CCDC170: variants seen among roughly 807,000 people sequenced by gnomAD.
The protein encoded by CCDC170 is coiled-coil domain containing 170.
Under a neutral mutation model 72.6 loss-of-function variants are expected in CCDC170, and 69 were observed. That is an observed-to-expected ratio of 0.95 (90% confidence interval 0.78 to 1.16). The LOEUF is 1.16. Ranked by LOEUF, CCDC170 falls within the 50% of genes most tolerant of loss-of-function variation. The pLI is 0.00. For synonymous variants in CCDC170, 300 were observed against 303.9 expected (o/e 0.99, Z 0.13); for missense variants, 852 against 832.5 (o/e 1.02, Z -0.29).
In CCDC170 at chr6:151,596,303, T is replaced by TAA. The variant is rs3834321; in HGVS notation, c.1468-23_1468-22dup. On this transcript the variant is annotated intron_variant, in intron 8 of 10. Coordinates refer to ENST00000239374, the MANE Select transcript of CCDC170 (RefSeq NM_025059.4). ...TTTATATTTACTATTGTTCAATTAT[T>TAA]AAAAAAAAAATCCCTGTTTGCATCA... The TAA allele has an allele frequency of 3.1e-5, 44 of 1,441,460 alleles. No homozygotes were observed. In the African/African-American group the frequency reaches 5.8e-4, roughly 19 times the overall value. 89.3% of individuals were successfully genotyped at this position (1,441,460 alleles called of 1,614,324 possible). A position where few individuals can be genotyped will look rare whatever the true frequency, so the allele number is the denominator to read the frequency against.
Position 151,585,974 on chromosome 6 carries a change from G to A in CCDC170, c.1178G>A (p.Arg393Lys), listed in dbSNP as rs75944154. The change falls in exon 7 of 11, where the codon AGG becomes AAG. Residue 393 changes from arginine (R) to lysine (K), a missense_variant. Physicochemically the swap from Arg to Lys is conservative, Grantham distance 26. Transcript: ENST00000239374. The part of the protein sequence containing the change: ...ESGFHQKALQ[R>K]AQKAENMLET... ...GGGTTTCACCAGAAAGCTCTCCAGA[G>A]GGCCCAGAAAGCAGAGAATATGTTG... is the stretch of plus-strand genomic sequence containing the variant. The A allele has an allele frequency of 1.3e-3, 2,152 of 1,614,100 alleles. 21 individuals are homozygous for A. The African/African-American group carries it at 0.026, about 19-fold the overall frequency.
chr6:151,532,703 T>G (rs1418896101), intron 1 of CCDC170, among the ~76,000 whole-genome samples: 1 of 152,198 alleles, frequency 6.6e-6, no homozygotes, highest in Non-Finnish European at 1.5e-5. Flanking sequence ...ATATAAATTC[T>G]CTATAGTTTA....
chr6:151,508,191 T>C (rs1455258996), intron 1 of CCDC170, among the ~76,000 whole-genome samples: 2 of 152,204 alleles, frequency 1.3e-5, no homozygotes, highest in Admixed American at 6.5e-5. Flanking sequence ...GAGGAGCTAA[T>C]TTAAATCAAT....
intron 5 of CCDC170, among the ~76,000 whole-genome samples, chr6:151,562,673 A>C (rs78967204): frequency 0.019 from 2,822 of 152,262 alleles, 98 homozygotes; most frequent in African/African-American, 0.064. Flanking sequence ...ATTTTGTGGA[A>C]TAGCACTAAG....
At chr6:151,579,996 C>T (rs867068708) in intron 6 of CCDC170, among the ~76,000 whole-genome samples, 8 of 152,168 alleles carry the variant, frequency 5.3e-5, no homozygotes, top group African/African-American at 1.9e-4. Context: ...CCAAAGCCTC[C>T]GTCCTGCACT....
At chr6:151,588,796 C>T (rs1230088762) in intron 7 of CCDC170, among the ~76,000 whole-genome samples, 1 of 151,596 alleles carries the variant, frequency 6.6e-6, no homozygotes, top group Non-Finnish European at 1.5e-5. Flanking sequence ...CAAAATTTAG[C>T]TGGGCATGGT....
intron 4 of CCDC170, among the ~76,000 whole-genome samples, chr6:151,545,897 G>T (rs1399751974): frequency 6.6e-6 from 1 of 151,616 alleles, no homozygotes; most frequent in African/African-American, 2.4e-5. Flanking sequence ...GCCTCCTGAA[G>T]TGCTGTGAGT....
intron 1 of CCDC170, 37 bp from the exon 2 acceptor site, chr6:151,536,281 C>T (rs1782577608): frequency 1.2e-6 from 2 of 1,608,142 alleles, no homozygotes; most frequent in Non-Finnish European, 1.7e-6. Context: ...GTTTAACACT[C>T]TTCTTTATAT....
At chr6:151,541,083 C>T (rs114162531) in intron 3 of CCDC170, among the ~76,000 whole-genome samples, 3 of 152,170 alleles carry the variant, frequency 2.0e-5, no homozygotes, top group African/African-American at 7.2e-5. Flanking sequence ...TTGAACCTGA[C>T]AGACCTGATT....
At chr6:151,513,342 G>C (rs931794250) in intron 1 of CCDC170, among the ~76,000 whole-genome samples, 11 of 152,174 alleles carry the variant, frequency 7.2e-5, no homozygotes, top group Non-Finnish European at 1.6e-4. Context: ...AGGGATGGTG[G>C]CTCACGCCTG....
intron 3 of CCDC170, among the ~76,000 whole-genome samples, chr6:151,542,313 T>G (rs1482757135): frequency 6.6e-6 from 1 of 152,204 alleles, no homozygotes; most frequent in Non-Finnish European, 1.5e-5. Context: ...TTTGACCTCC[T>G]AGGCTCAAGC....
intron 1 of CCDC170, among the ~76,000 whole-genome samples, chr6:151,519,791 C>T (rs938704866): frequency 1.3e-5 from 2 of 152,092 alleles, no homozygotes; most frequent in South Asian, 2.1e-4. Flanking sequence ...AGGGTAATAA[C>T]CTGAAGTTGC....
intron 2 of CCDC170, 96 bp from the exon 3 acceptor site, chr6:151,537,949 G>T (rs1222933959): frequency 3.3e-6 from 4 of 1,199,138 alleles, no homozygotes; most frequent in East Asian, 4.7e-5. Flanking sequence ...ATGAATAAAA[G>T]AGTGAACATT....
At chr6:151,496,797 A>G (rs931618039) in intron 1 of CCDC170, among the ~76,000 whole-genome samples, 1 of 152,240 alleles carries the variant, frequency 6.6e-6, no homozygotes, top group Admixed American at 6.5e-5. Flanking sequence ...CAAAACAATT[A>G]ATGTATCAGC....
rs1338543705 is a variant in CCDC170, at chr6:151,617,845, C to A, written c.1948-102C>A. The A allele has an allele frequency of 2.7e-6, 3 of 1,111,070 alleles. No individual in the cohort carries two copies. The Admixed American group carries it at 6.9e-5, about 25-fold the overall frequency. The allele number at this position is 1,111,070 out of a possible 1,614,324, so 68.8% of individuals were successfully genotyped here. On this transcript the variant is annotated intron_variant, in intron 10 of 10. Coordinates refer to ENST00000239374, the MANE Select transcript of CCDC170 (RefSeq NM_025059.4). ...GAGTAGATAATTTCCCTACCTCATGCAAACCTGGGTTTTCTACAGGTTTTT... is the reference window on the plus strand; with the variant it reads ...GAGTAGATAATTTCCCTACCTCATGAAAACCTGGGTTTTCTACAGGTTTTT...
At chr6:151,497,470 G>A (rs1781926614) in intron 1 of CCDC170, among the ~76,000 whole-genome samples, 1 of 152,158 alleles carries the variant, frequency 6.6e-6, no homozygotes, top group Non-Finnish European at 1.5e-5. Flanking sequence ...AAAATTTAAT[G>A]CTGCACTCTT....
chr6:151,590,095 C>T (rs772921953), intron 7 of CCDC170, among the ~76,000 whole-genome samples: 35 of 152,136 alleles, frequency 2.3e-4, no homozygotes, highest in South Asian at 4.1e-4. Context: ...TCAAATACCA[C>T]TTCCTCTGGC....
rs573964648 is a variant in CCDC170, at chr6:151,557,231, A to C, written c.774+8742A>C. Among the ~76,000 whole-genome samples the C allele has an allele frequency of 3.9e-3, 594 of 152,148 alleles. 2 individuals are homozygous for C. In the Middle Eastern group the frequency reaches 0.051, roughly 13 times the overall value. On this transcript the variant is annotated intron_variant, in intron 5 of 10. Transcript: ENST00000239374. The stretch of plus-strand genomic sequence containing the variant: ...AGACCATCCTGGCTAACACGGTGGA[A>C]CCCCGTCTCTACTAAAAAATACAAA...
intron 7 of CCDC170, 30 bp from the exon 8 acceptor site, chr6:151,593,076 GT>G (rs1374155623): frequency 6.2e-7 from 1 of 1,610,660 alleles, no homozygotes. Flanking sequence ...TGACTTTCAT[GT>G]CCCATTTTTG....
Sources: allele counts gnomAD v4.1 joint callset (sites outside exome capture counted in the v4.1 genomes callset), GRCh38; gene constraint gnomAD v4.1.1; transcripts MANE v1.5; gene names NCBI Gene and HGNC (gene_info 2026-07-23, HGNC 2026-07-21).